The following TAF1 variants were observed in gnomAD, a reference collection of about 807,000 sequenced individuals.
TAF1 encodes the protein transcription initiation factor TFIID subunit 1.
TAF1 carries 2 observed loss-of-function variants against 138.5 expected under a neutral mutation model. The observed-to-expected ratio is 0.01, with a 90% confidence interval of 0.01 to 0.05. The LOEUF (loss-of-function observed/expected upper bound fraction) is 0.05. TAF1 is among the 10% of genes least tolerant of loss of function. The pLI, the probability that TAF1 is intolerant of heterozygous loss-of-function variation, is 1.00. For missense variants in TAF1, 709 were observed against 1,478.0 expected (o/e 0.48, Z 8.53); for synonymous variants, 437 against 503.2 (o/e 0.87, Z 1.76).
At position 71,464,393 on chromosome X, in the gene TAF1, T is replaced by C; in HGVS notation, c.*347T>C. 1 of 369,564 alleles carries C rather than the reference T, an allele frequency of 2.7e-6. No homozygotes were observed. Among genetic ancestry groups the C allele is most frequent in the Admixed American group, 5.1e-5 (1 of 19,699 alleles). 30.5% of individuals were successfully genotyped at this position (369,564 alleles called of 1,213,427 possible). A position where few individuals can be genotyped will look rare whatever the true frequency, so the allele number is the denominator to read the frequency against. ...GAAATTATGAAAGAACTAGTAACTT[T>C]ATGTCCTCTTGATGTATTAGGAAAT... On this transcript the variant is annotated 3_prime_UTR_variant, in exon 38 of 38. Transcript: ENST00000423759.
intron 32 of TAF1, among the ~76,000 whole-genome samples, chrX:71,452,269 C>T (rs1390999302): frequency 1.9e-5 from 2 of 107,701 alleles, no homozygotes; most frequent in African/African-American, 3.4e-5. Context: ...TCAGACGGGG[C>T]GGCTGCCGGG....
At chrX:71,450,530 C>T (rs2037910909) in intron 32 of TAF1, among the ~76,000 whole-genome samples, 1 of 112,367 alleles carries the variant, frequency 8.9e-6, no homozygotes, top group South Asian at 3.7e-4. Flanking sequence ...CCTTTATATC[C>T]TGATAAAACA....
intron 28 of TAF1, among the ~76,000 whole-genome samples, chrX:71,411,320 G>T (rs933607822): frequency 9.0e-6 from 1 of 111,350 alleles, no homozygotes; most frequent in Non-Finnish European, 1.9e-5. Flanking sequence ...GGCCTCAAGC[G>T]ATTCACTGAC....
At chrX:71,417,839 A>G (rs2036106783) in intron 28 of TAF1, among the ~76,000 whole-genome samples, 1 of 111,609 alleles carries the variant, frequency 9.0e-6, no homozygotes, top group Non-Finnish European at 1.9e-5. Context: ...CATGGCAACC[A>G]ATATATTCCT....
intron 3 of TAF1, among the ~76,000 whole-genome samples, chrX:71,370,593 G>A (rs780835361): frequency 1.8e-5 from 2 of 111,241 alleles, no homozygotes; most frequent in Non-Finnish European, 3.8e-5. Flanking sequence ...CAGGTAATCC[G>A]CCCACCTTTG....
intron 32 of TAF1, among the ~76,000 whole-genome samples, chrX:71,425,821 G>T (rs778533599): frequency 9.0e-6 from 1 of 111,600 alleles, no homozygotes; most frequent in Non-Finnish European, 1.9e-5. Context: ...ACTTACATGC[G>T]CTGGCACTGA....
At chrX:71,409,864 C>G in intron 28 of TAF1, among the ~76,000 whole-genome samples, 1 of 110,869 alleles carries the variant, frequency 9.0e-6, no homozygotes, top group Non-Finnish European at 1.9e-5. Flanking sequence ...CCTTTCTTCC[C>G]TATATTTCCA....
intron 13 of TAF1, among the ~76,000 whole-genome samples, chrX:71,514,213 G>A (rs960596347): frequency 6.3e-5 from 7 of 110,992 alleles, no homozygotes; most frequent in African/African-American, 2.3e-4. Context: ...CTAGCTACCC[G>A]GGAAGCTGAA....
chrX:71,393,490 G>T lies in TAF1; in HGVS notation c.3227+14G>T. ...CCTACAGAACAAGTGGGTCGTTTTA[G>T]TGCTGCAGAAAATCCAAGCTGGAAA... is the stretch of plus-strand genomic sequence containing the variant. On this transcript the variant is annotated intron_variant, in intron 21 of 37. Transcript: ENST00000423759. 8.5e-7 allele frequency: 1 copy of T among 1,170,380 alleles called. No homozygotes were observed. The highest frequency in any genetic ancestry group is 1.1e-6 in the Non-Finnish European group (1 of 876,711).
intron 13 of TAF1, chrX:71,492,217 C>A: frequency 7.6e-6 from 1 of 130,987 alleles, no homozygotes; most frequent in South Asian, 2.6e-4. Context: ...CGGAACCACT[C>A]GATGGGGCAT....
At position 71,500,689 on chromosome X, in the gene TAF1, G is replaced by T. The variant is rs1019782154; in HGVS notation, c.1367-27853G>T. 3.6e-5 allele frequency among the ~76,000 whole-genome samples: 4 copies of T among 110,601 alleles called. No homozygotes were observed. The Admixed American group carries it at 3.9e-4, about 11-fold the overall frequency. On this transcript the variant is annotated intron_variant and NMD_transcript_variant, in intron 13 of 14. Coordinates refer to the TAF1 transcript ENST00000373775. ...AAGGTCGGATTTAGTGGACCTTACC[G>T]ACGCATTCTCAAAAACCTATTAGAG...
At chrX:71,386,217 A>T (rs879209735) in intron 14 of TAF1, among the ~76,000 whole-genome samples, 2 of 109,897 alleles carry the variant, frequency 1.8e-5, no homozygotes, top group Admixed American at 1.9e-4. Flanking sequence ...TTTTCTGCCT[A>T]TATTTCACAT....
intron 5 of TAF1, 123 bp from the exon 6 acceptor site, chrX:71,377,480 C>T (rs1204017158): frequency 5.6e-6 from 5 of 886,695 alleles, no homozygotes; most frequent in East Asian, 3.4e-5. Context: ...AGTCTGAATG[C>T]GACACTCCTT....
chrX:71,460,696 C>T lies in TAF1; in HGVS notation c.5292C>T (p.Arg1764=). The change falls in exon 37 of 38, where the codon CGC becomes CGT. Residue 1764 remains arginine (R), a synonymous_variant. Transcript: ENST00000423759. ...GTGGAATAAGACCCAAACAACCCCG[C>T]ATGCTTCAGGAGAACACAAGGATGG... ...GSGGIRPKQP[R]MLQENTRMDM... 13 of 1,210,964 alleles carry T rather than the reference C, an allele frequency of 1.1e-5. No individual in the cohort carries two copies. The highest frequency in any genetic ancestry group is 1.5e-5 in the Non-Finnish European group (13 of 895,094).
intron 37 of TAF1, among the ~76,000 whole-genome samples, chrX:71,463,230 T>G (rs926483748): frequency 2.7e-5 from 3 of 111,660 alleles, no homozygotes; most frequent in African/African-American, 9.8e-5. Flanking sequence ...TTTAAATTTT[T>G]TTCTGGTGTA....
At chrX:71,456,912 C>T (rs908664433) in intron 34 of TAF1, among the ~76,000 whole-genome samples, 11 of 109,897 alleles carry the variant, frequency 1.0e-4, no homozygotes, top group African/African-American at 3.3e-4. Context: ...CGACCTCAGG[C>T]CCACCTCGGC....
At chrX:71,434,534 T>C (rs1038697853) in intron 32 of TAF1, among the ~76,000 whole-genome samples, 1 of 111,838 alleles carries the variant, frequency 8.9e-6, no homozygotes, top group Admixed American at 9.6e-5. Flanking sequence ...GCCAGAATAC[T>C]TAGCACTAAG....
intron 30 of TAF1, 120 bp downstream of exon 30, chrX:71,423,359 G>C: frequency 9.6e-7 from 1 of 1,041,779 alleles, no homozygotes; most frequent in Non-Finnish European, 1.3e-6. Flanking sequence ...GTTGTGACTG[G>C]TATGTGATTT....
intron 13 of TAF1, among the ~76,000 whole-genome samples, chrX:71,503,308 A>ATATATATATGTG (rs1569408341): frequency 3.1e-5 from 3 of 95,766 alleles, no homozygotes; most frequent in African/African-American, 1.2e-4. Context: ...GTATATATAT[A>ATATATATATGTG]TATATATATA....
Sources: gnomAD v4.1 joint callset for allele counts (sites outside exome capture counted in the v4.1 genomes callset) on GRCh38, gnomAD v4.1.1 for gene constraint, MANE v1.5 for transcripts, NCBI Gene and HGNC (gene_info 2026-07-23, HGNC 2026-07-21) for gene names.